Variants in GGCX observed in about 807,000 individuals in gnomAD.
GGCX encodes the protein gamma-glutamyl carboxylase, also known as vitamin K-dependent gamma-carboxylase.
Under a neutral mutation model 88.5 loss-of-function variants are expected in GGCX, and 63 were observed. The ratio of observed to expected loss-of-function variants is 0.71; its 90% CI spans 0.58 to 0.88. The LOEUF (loss-of-function observed/expected upper bound fraction) is 0.88. GGCX is among the 40% of genes least tolerant of loss of function. The pLI, the probability that GGCX is intolerant of heterozygous loss-of-function variation, is 0.00. For missense variants in GGCX, 805 were observed against 932.9 expected (o/e 0.86, Z 1.79); for synonymous variants, 368 against 365.8 (o/e 1.01, Z -0.07).
chr2:85,558,964 G>A lies in GGCX; in HGVS notation c.326C>T (p.Pro109Leu). Residue 109 changes from proline (P) to leucine (L), a missense_variant, in exon 3 of 15, where the codon CCA becomes CTA. Physicochemically the swap from Pro to Leu is moderately conservative, Grantham distance 98 (BLOSUM62 -3). Transcript: ENST00000233838. ...CRFPLLDALR[P>L]LPLDWMYLVY... ...AAGATACATCCAGTCAAGTGGCAGT[G>A]GGCGTAGGGCATCCAGCAAGGGGAA... 1.2e-6 allele frequency: 2 copies of A among 1,613,818 alleles called. No individual in the cohort carries two copies. Among genetic ancestry groups the A allele is most frequent in the Non-Finnish European group, 1.7e-6 (2 of 1,179,726 alleles).
rs369666299 is a variant in GGCX, at chr2:85,555,487, A to G, written c.722T>C (p.Phe241Ser). The part of the protein sequence containing the change: ...YLSRHWLFSP[F>S]KLLLSEELTS... ...CTCCACCATGACTGCCACTCACTTG[A>G]AGGGACTGAAGAGCCAGTGCCGGGA... The change falls in exon 6 of 15, where the codon TTC becomes TCC. Residue 241 changes from phenylalanine (F) to serine (S), a missense_variant. Coordinates refer to ENST00000233838, the MANE Select transcript of GGCX (RefSeq NM_000821.7). The G allele has an allele frequency of 2.0e-6, 3 of 1,521,908 alleles. No individual in the cohort carries two copies. Among genetic ancestry groups the G allele is most frequent in the Non-Finnish European group, 2.7e-6 (3 of 1,096,024 alleles). The allele number at this position is 1,521,908 out of a possible 1,614,324, so 94.3% of individuals were successfully genotyped here.
Position 85,551,950 on chromosome 2 carries a change from C to A in GGCX, c.1471G>T (p.Ala491Ser). Residue 491 changes from alanine to serine, a missense_variant, in exon 11 of 15, where the codon GCC becomes TCC. Physicochemically the swap from Ala to Ser is moderately conservative, Grantham distance 99. Around this residue, in one of 3 missense-constraint regions of GGCX, gnomAD observed 680 missense variants for 763.7 expected, o/e 0.89. Coordinates refer to ENST00000233838, the MANE Select transcript of GGCX (RefSeq NM_000821.7). ...GTGCGCTGAAAGGGTGACCAAGCGG[C>A]CTGCACGATGTCCACACGAGGGTCA... is the stretch of plus-strand genomic sequence containing the variant. ...IFDPRVDIVQAAWSPFQRTSW... is the reference protein window; with the variant it reads ...IFDPRVDIVQSAWSPFQRTSW... The A allele has an allele frequency of 6.2e-7, 1 of 1,614,006 alleles. No individual in the cohort carries two copies. Among genetic ancestry groups the A allele is most frequent in the Non-Finnish European group, 8.5e-7 (1 of 1,179,916 alleles).
At position 85,558,994 on chromosome 2, in the gene GGCX, CA is replaced by C; in HGVS notation, c.295del (p.Cys99AlafsTer31). On this transcript the variant is annotated frameshift_variant, in exon 3 of 15. Transcript: ENST00000233838. LOFTEE classifies it high-confidence loss of function. ...TAGGGCATCCAGCAAGGGGAAGCGGCACACATCCAGCCCATCAAGGTATTTC... is the reference window on the plus strand; with the variant it reads ...TAGGGCATCCAGCAAGGGGAAGCGGCCACATCCAGCCCATCAAGGTATTTC... ...DRKYLDGLDVCRFPLLDALRP... is the reference protein window; with the variant it reads ...DRKYLDGLDVXRFPLLDALRP... 6.2e-7 allele frequency: 1 copy of C among 1,613,714 alleles called. No homozygotes were observed. Among genetic ancestry groups the C allele is most frequent in the Middle Eastern group, 1.6e-4 (1 of 6,062 alleles).
At chr2:85,552,655 G>C in intron 9 of GGCX, 88 bp from the exon 10 acceptor site, 1 of 1,293,250 alleles carries the variant, frequency 7.7e-7, no homozygotes, top group Non-Finnish European at 1.1e-6. Flanking sequence ...CGAGATCCCT[G>C]CCTGCTGCCC....
chr2:85,553,609 C>T (rs1692076079), intron 7 of GGCX, 112 bp from the exon 8 acceptor site: 2 of 941,656 alleles, frequency 2.1e-6, no homozygotes, highest in Non-Finnish European at 3.2e-6. Flanking sequence ...AGTAGTTCTT[C>T]TTTTTTTTTT....
chr2:85,550,550 C>A lies in GGCX; in HGVS notation c.2084+5G>T. Reference sequence around the variant, plus strand: ...TGGCAATGACAAATATTGTTGTGAACTTACCTGCGGCGAAAGACATAGAGC... The same window carrying A: ...TGGCAATGACAAATATTGTTGTGAAATTACCTGCGGCGAAAGACATAGAGC... On this transcript the variant is annotated splice_donor_5th_base_variant and intron_variant, in intron 14 of 14. Coordinates refer to ENST00000233838, the MANE Select transcript of GGCX (RefSeq NM_000821.7). 1 of 1,609,186 alleles carries A rather than the reference C, an allele frequency of 6.2e-7. No individual in the cohort carries two copies.
In GGCX at chr2:85,561,463, C is replaced by A. The variant is rs1236321525; in HGVS notation, c.-35G>T. ...GAGGAGGCAGGTGGGTCACAGCTGC[C>A]GCGTCTGAACGGAGGCCGCCAGGAG... is the stretch of plus-strand genomic sequence containing the variant. On this transcript the variant is annotated 5_prime_UTR_variant, in exon 1 of 15. Transcript: ENST00000233838. 1.3e-6 allele frequency: 2 copies of A among 1,511,412 alleles called. No individual in the cohort carries two copies. Among genetic ancestry groups the A allele is most frequent in the Non-Finnish European group, 9.0e-7 (1 of 1,108,520 alleles). 93.6% of individuals were successfully genotyped at this position (1,511,412 alleles called of 1,614,324 possible).
At chr2:85,552,004 T>G in intron 10 of GGCX, 23 bp from the exon 11 acceptor site, 1 of 1,599,312 alleles carries the variant, frequency 6.3e-7, no homozygotes, top group Non-Finnish European at 8.6e-7. Context: ...AACCATGTTC[T>G]AAGGACATCA....
At position 85,550,100 on chromosome 2, in the gene GGCX, C is replaced by T. The variant is rs377362868; in HGVS notation, c.2111G>A (p.Arg704Gln). 26 of 1,613,570 alleles carry T rather than the reference C, an allele frequency of 1.6e-5. 1 individual carries two copies. Among genetic ancestry groups the T allele is most frequent in the East Asian group, 6.7e-5 (3 of 44,870 alleles). The stretch of plus-strand genomic sequence containing the variant: ...GGAAGGACGGCCTAATATCAGATTT[C>T]GAAGTGAGATACAAGTCATCAGGAA... ...RSFLMTCISLRNLILGRPSLE... is the reference protein window; with the variant it reads ...RSFLMTCISLQNLILGRPSLE... The change falls in exon 15 of 15, where the codon CGA becomes CAA. Residue 704 changes from arginine (R) to glutamine (Q), a missense_variant. Arg to Gln is a conservative substitution (Grantham distance 43). Transcript: ENST00000233838.
At chr2:85,561,025 G>A in intron 1 of GGCX, 40 bp from the exon 2 acceptor site, 1 of 1,527,352 alleles carries the variant, frequency 6.5e-7, no homozygotes. Flanking sequence ...TGCGGGGGTG[G>A]GCTCCACCTC....
chr2:85,560,242 A>T (rs1374614626), intron 2 of GGCX, among the ~76,000 whole-genome samples: 1 of 152,094 alleles, frequency 6.6e-6, no homozygotes, highest in Non-Finnish European at 1.5e-5. Flanking sequence ...CTTCTGGGCA[A>T]CTTCATGCCA....
At position 85,560,884 on chromosome 2, in the gene GGCX, G is replaced by T. The variant is rs777318984; in HGVS notation, c.145C>A (p.Arg49=). 26 of 1,613,828 alleles carry T rather than the reference G, an allele frequency of 1.6e-5. 2 individuals carry two copies. In the South Asian group the frequency reaches 2.0e-4, roughly 12 times the overall value. The change falls in exon 2 of 15, where the codon CGG becomes AGG. Residue 49 remains arginine, a synonymous_variant. Transcript: ENST00000233838. Reference sequence around the variant, plus strand: ...CGATTCAGCAGGGTCACCAGCCTCCGCCAACTGGACAAATCTGTCCACTCA... The same window carrying T: ...CGATTCAGCAGGGTCACCAGCCTCCTCCAACTGGACAAATCTGTCCACTCA... ...GFEWTDLSSW[R]RLVTLLNRPT...
At chr2:85,552,882 C>T in intron 9 of GGCX, 57 bp downstream of exon 9, 4 of 1,597,510 alleles carry the variant, frequency 2.5e-6, no homozygotes, top group Admixed American at 1.7e-5. Context: ...CAAAACCAGA[C>T]CCCAAAGCAC....
chr2:85,554,454 TTTGTTGTTGTTGTTG>T, intron 6 of GGCX, 148 bp from the exon 7 acceptor site: 1 of 645,302 alleles, frequency 1.5e-6, no homozygotes, highest in Non-Finnish European at 2.8e-6. Flanking sequence ...CTCTAGGTTG[TTTGTTGTTGTTGTTG>T]TTGTTGTTGT....
rs763052194 is a variant in GGCX, at chr2:85,554,236, C to G, written c.796G>C (p.Ala266Pro). The G allele has an allele frequency of 6.2e-7, 1 of 1,613,724 alleles. No individual in the cohort carries two copies. The highest frequency in any genetic ancestry group is 8.5e-7 in the Non-Finnish European group (1 of 1,179,588). The stretch of plus-strand genomic sequence containing the variant: ...ACATCAAAAAAGAGCAGGAAACCAG[C>G]TGAGAGGTCAAGCAGCAGCCCACCC... The part of the protein sequence containing the change: ...HWGGLLLDLS[A>P]GFLLFFDVSR... Residue 266 changes from alanine to proline, a missense_variant, in exon 7 of 15, where the codon GCT becomes CCT. By Grantham distance (27) the Ala-to-Pro change is conservative. This residue lies in a region of GGCX where 680 missense variants were observed against 763.7 expected (regional missense o/e 0.89). Coordinates refer to ENST00000233838, the MANE Select transcript of GGCX (RefSeq NM_000821.7).
chr2:85,547,552 A>C lies in GGCX; in HGVS notation c.*2382T>G, dbSNP rs925531466. On this transcript the variant is annotated 3_prime_UTR_variant, in exon 15 of 15. Transcript: ENST00000233838. The stretch of plus-strand genomic sequence containing the variant: ...ATACTTTTTCAAGTGTCTTCTCCCA[A>C]GTAACTCTTGGGACTTTTGTTACCA... The C allele has an allele frequency of 6.6e-6, 1 of 152,190 alleles. No homozygotes were observed. The highest frequency in any genetic ancestry group is 2.4e-5 in the African/African-American group (1 of 41,440). 9.4% of individuals were successfully genotyped at this position (152,190 alleles called of 1,614,324 possible). A position where few individuals can be genotyped will look rare whatever the true frequency, so the allele number is the denominator to read the frequency against.
At chr2:85,558,204 G>T (rs1692283361) in intron 4 of GGCX, among the ~76,000 whole-genome samples, 1 of 152,138 alleles carries the variant, frequency 6.6e-6, no homozygotes, top group South Asian at 2.1e-4. Flanking sequence ...ATAAATCAAG[G>T]CACCTGGGGA....
chr2:85,555,912 G>A (rs1208137008), intron 5 of GGCX, among the ~76,000 whole-genome samples: 1 of 152,190 alleles, frequency 6.6e-6, no homozygotes, highest in Admixed American at 6.5e-5. Flanking sequence ...CACCAAGGAA[G>A]AAGTCATAAA....
At chr2:85,560,218 C>T (rs12714145) in intron 2 of GGCX, among the ~76,000 whole-genome samples, 62,091 of 151,940 alleles carry the variant, frequency 0.41, 12,874 homozygotes, top group African/African-American at 0.47. Flanking sequence ...GCCCCCTGCT[C>T]TGTTTCTCTG....
Sources: allele counts gnomAD v4.1 joint callset (sites outside exome capture counted in the v4.1 genomes callset), GRCh38; gene constraint gnomAD v4.1.1; regional missense constraint gnomAD v4.1.1; transcripts MANE v1.5; gene names NCBI Gene and HGNC (gene_info 2026-07-23, HGNC 2026-07-21).